The following MARCHF3 variants were observed in gnomAD, a reference collection of about 807,000 sequenced individuals.
MARCHF3 encodes E3 ubiquitin-protein ligase MARCHF3.
A neutral mutation model predicts 24.2 loss-of-function variants in MARCHF3; 13 were observed. The ratio of observed to expected loss-of-function variants is 0.54; its 90% CI spans 0.35 to 0.85. The LOEUF (loss-of-function observed/expected upper bound fraction) is 0.85, where lower values mean the gene tolerates loss of function less well. Ranked by LOEUF, MARCHF3 falls within the 40% of genes least tolerant of loss-of-function variation. The pLI is 0.01. For missense variants in MARCHF3, 276 were observed against 325.0 expected (o/e 0.85, Z 1.16); for synonymous variants, 144 against 137.3 (o/e 1.05, Z -0.34).
chr5:126,959,676 G>T (rs938522607), intron 1 of MARCHF3, among the ~76,000 whole-genome samples: 7 of 152,146 alleles, frequency 4.6e-5, no homozygotes. Flanking sequence ...GAAAATCCCT[G>T]TAATATCTTA....
chr5:126,902,998 C>T (rs1754157405), intron 3 of MARCHF3, among the ~76,000 whole-genome samples: 1 of 152,104 alleles, frequency 6.6e-6, no homozygotes, highest in Non-Finnish European at 1.5e-5. Context: ...TGTATTCTCA[C>T]CACTGTCCAT....
intron 3 of MARCHF3, among the ~76,000 whole-genome samples, chr5:126,881,265 T>C (rs1341880717): frequency 6.6e-6 from 1 of 152,160 alleles, no homozygotes; most frequent in African/African-American, 2.4e-5. Context: ...TATGGAGTAC[T>C]TTACATGGTA....
chr5:127,023,684 T>C (rs1206882023), intron 1 of MARCHF3, among the ~76,000 whole-genome samples: 2 of 151,392 alleles, frequency 1.3e-5, no homozygotes, highest in African/African-American at 4.9e-5. Context: ...TGAGCTGAGA[T>C]TGCGCCGCTG....
chr5:126,949,052 T>C (rs1750128816), intron 1 of MARCHF3, among the ~76,000 whole-genome samples: 1 of 152,192 alleles, frequency 6.6e-6, no homozygotes, highest in South Asian at 2.1e-4. Flanking sequence ...TGCATAAACA[T>C]TCTTTTGAGT....
intron 1 of MARCHF3, among the ~76,000 whole-genome samples, chr5:126,937,078 G>A (rs530356328): frequency 6.6e-6 from 1 of 152,324 alleles, no homozygotes; most frequent in Admixed American, 6.5e-5. Context: ...GCTTCTGTGA[G>A]CTATACCAGG....
At chr5:126,980,189 T>A (rs115769400) in intron 1 of MARCHF3, among the ~76,000 whole-genome samples, 2,498 of 152,084 alleles carry the variant, frequency 0.016, 63 homozygotes, top group African/African-American at 0.057. Context: ...GACTAGTAGA[T>A]CCTGGAAGTG....
chr5:126,977,780 A>G (rs956768010), intron 1 of MARCHF3, among the ~76,000 whole-genome samples: 1 of 152,260 alleles, frequency 6.6e-6, no homozygotes, highest in Non-Finnish European at 1.5e-5. Context: ...GCATGTATAC[A>G]AGGCAACACT....
chr5:126,939,104 GT>G (rs1265981663), intron 1 of MARCHF3, among the ~76,000 whole-genome samples: 2 of 152,146 alleles, frequency 1.3e-5, no homozygotes, highest in Non-Finnish European at 2.9e-5. Context: ...AACAGCACAT[GT>G]ACAGATTCCT....
intron 3 of MARCHF3, among the ~76,000 whole-genome samples, chr5:126,903,311 C>A (rs190514628): frequency 7.2e-5 from 11 of 152,152 alleles, no homozygotes; most frequent in African/African-American, 2.7e-4. Flanking sequence ...GCATGTCCCA[C>A]CCAAAGGCAT....
intron 1 of MARCHF3, among the ~76,000 whole-genome samples, chr5:126,958,617 G>A (rs1344004215): frequency 6.6e-6 from 1 of 152,052 alleles, no homozygotes; most frequent in Non-Finnish European, 1.5e-5. Flanking sequence ...TGTCAGGACT[G>A]GGAAGTATAT....
intron 1 of MARCHF3, among the ~76,000 whole-genome samples, chr5:126,935,797 G>C (rs1749628447): frequency 1.3e-5 from 2 of 151,708 alleles, no homozygotes. Flanking sequence ...TCTTAGTAGA[G>C]ACAGGGTTTC....
chr5:126,894,398 T>C (rs1753799565), intron 3 of MARCHF3, among the ~76,000 whole-genome samples: 1 of 151,654 alleles, frequency 6.6e-6, no homozygotes. Flanking sequence ...GTCTTTACAT[T>C]TTGGCATGAT....
chr5:126,914,269 C>G (rs563287274), intron 3 of MARCHF3, among the ~76,000 whole-genome samples: 1 of 152,008 alleles, frequency 6.6e-6, no homozygotes, highest in African/African-American at 2.4e-5. Context: ...AGACATGAGC[C>G]ACCGCGCCCA....
intron 3 of MARCHF3, among the ~76,000 whole-genome samples, chr5:126,878,828 G>C (rs1258688941): frequency 2.0e-5 from 3 of 152,206 alleles, no homozygotes; most frequent in Non-Finnish European, 4.4e-5. Context: ...TCCCAAGACA[G>C]GCCTGTTTTT....
At chr5:126,916,692 G>GACACACACACACACACACACAC (rs34090036) in intron 2 of MARCHF3, among the ~76,000 whole-genome samples, 106 of 130,544 alleles carry the variant, frequency 8.1e-4, no homozygotes, top group African/African-American at 8.0e-4. Context: ...CAGACAGACA[G>GACACACACACACACACACACAC]ACACACACAC....
At chr5:126,895,882 T>G (rs980495992) in intron 3 of MARCHF3, among the ~76,000 whole-genome samples, 1 of 152,284 alleles carries the variant, frequency 6.6e-6, no homozygotes, top group Admixed American at 6.5e-5. Context: ...TAATCAAGCC[T>G]GGGCAGTGGC....
intron 3 of MARCHF3, among the ~76,000 whole-genome samples, chr5:126,890,567 T>G (rs1188599822): frequency 6.6e-6 from 1 of 151,888 alleles, no homozygotes; most frequent in Non-Finnish European, 1.5e-5. Flanking sequence ...GATAGTTTAC[T>G]GAGAATGAAG....
At chr5:127,021,154 A>G (rs541686722) in intron 1 of MARCHF3, among the ~76,000 whole-genome samples, 24 of 152,308 alleles carry the variant, frequency 1.6e-4, no homozygotes, top group African/African-American at 5.8e-4. Flanking sequence ...GAGTTTTAAA[A>G]AGTGAAAATA....
At chr5:126,928,719 C>T (rs1749380540) in intron 1 of MARCHF3, among the ~76,000 whole-genome samples, 1 of 151,892 alleles carries the variant, frequency 6.6e-6, no homozygotes, top group Non-Finnish European at 1.5e-5. Context: ...CATTTCCTTC[C>T]CTTTGTTCAT....
Sources: gnomAD v4.1 joint callset for allele counts (sites outside exome capture counted in the v4.1 genomes callset) on GRCh38, gnomAD v4.1.1 for gene constraint, MANE v1.5 for transcripts, NCBI Gene and HGNC (gene_info 2026-07-23, HGNC 2026-07-21) for gene names.